BOLA3: variants seen among roughly 807,000 people sequenced by gnomAD.
BOLA3 encodes bolA family member 3.
Under a neutral mutation model 14.5 loss-of-function variants are expected in BOLA3, and 8 were observed. The observed-to-expected ratio is 0.55, with a 90% CI of 0.32 to 0.99. BOLA3 has a LOEUF of 0.99. BOLA3 is among the 50% of genes least tolerant of loss of function. BOLA3 has a pLI of 0.04. For missense variants in BOLA3, 115 were observed against 138.2 expected (o/e 0.83, Z 0.84); for synonymous variants, 42 against 45.7 (o/e 0.92, Z 0.33).
intron 3 of BOLA3, among the ~76,000 whole-genome samples, chr2:74,138,157 G>C (rs1305012174): frequency 6.6e-6 from 1 of 152,218 alleles, no homozygotes; most frequent in Non-Finnish European, 1.5e-5. Context: ...GAGATCACCT[G>C]AGTCACTCTA....
At position 74,145,054 on chromosome 2, in the gene BOLA3, C is replaced by T. The variant is rs141799434; in HGVS notation, c.169+135G>A. The stretch of plus-strand genomic sequence containing the variant: ...CCATGAGGTGGGGGCAGCCGAGCTC[C>T]ACCTGTCCAGCAGCAACACATCTTG... On this transcript the variant is annotated intron_variant, in intron 2 of 3. Coordinates refer to ENST00000327428, the MANE Select transcript of BOLA3 (RefSeq NM_212552.3). 266 of 698,390 alleles carry T rather than the reference C, an allele frequency of 3.8e-4. No homozygotes were observed. The African/African-American group carries it at 4.3e-3, about 11-fold the overall frequency. 43.3% of individuals were successfully genotyped at this position (698,390 alleles called of 1,614,324 possible).
chr2:74,138,832 C>G (rs185822456), intron 3 of BOLA3, among the ~76,000 whole-genome samples: 2 of 152,184 alleles, frequency 1.3e-5, no homozygotes, highest in East Asian at 1.9e-4. Flanking sequence ...CACCTGTGGT[C>G]AATGCCTCAT....
intron 2 of BOLA3, among the ~76,000 whole-genome samples, chr2:74,144,277 G>A (rs1692501722): frequency 6.6e-6 from 1 of 152,196 alleles, no homozygotes; most frequent in Non-Finnish European, 1.5e-5. Flanking sequence ...AAAGTGCTGG[G>A]ATTACAGGCA....
Position 74,145,217 on chromosome 2 carries a change from A to G in BOLA3, c.141T>C (p.Ala47=), listed in dbSNP as rs752166708. ...TQILKEKFPR[A]TAIKVTDISG... ...AAATGTCAGTGACTTTTATAGCTGT[A>G]GCTCGTGGAAACTTTTCTTTGAGAA... The change falls in exon 2 of 4, where the codon GCT becomes GCC. Residue 47 remains alanine (A), a synonymous_variant. Transcript: ENST00000327428. 15 of 1,604,384 alleles carry G rather than the reference A, an allele frequency of 9.3e-6. No homozygotes were observed. In the Admixed American group the frequency reaches 2.5e-4, roughly 27 times the overall value.
chr2:74,138,440 G>A (rs1692373927), intron 3 of BOLA3, among the ~76,000 whole-genome samples: 1 of 152,264 alleles, frequency 6.6e-6, no homozygotes, highest in Non-Finnish European at 1.5e-5. Context: ...TACTGCACTG[G>A]TGACTGGGGT....
At chr2:74,141,621 G>A (rs761998580) in intron 3 of BOLA3, among the ~76,000 whole-genome samples, 83 of 152,116 alleles carry the variant, frequency 5.5e-4, no homozygotes, top group Non-Finnish European at 9.4e-4. Context: ...AGAGGCCACC[G>A]AAGAGACGCT....
At chr2:74,141,371 G>A (rs912487282) in intron 3 of BOLA3, among the ~76,000 whole-genome samples, 2 of 151,474 alleles carry the variant, frequency 1.3e-5, no homozygotes, top group Non-Finnish European at 2.9e-5. Context: ...AGCCAAAAAA[G>A]GGGGCCGGGG....
chr2:74,140,187 G>A (rs567429142), intron 3 of BOLA3, among the ~76,000 whole-genome samples: 1 of 152,252 alleles, frequency 6.6e-6, no homozygotes, highest in Non-Finnish European at 1.5e-5. Context: ...GGGAGGCTGA[G>A]GCAGAAGAAT....
intron 3 of BOLA3, 143 bp from the exon 4 acceptor site, chr2:74,135,801 C>T: frequency 7.4e-6 from 5 of 680,204 alleles, no homozygotes; most frequent in South Asian, 1.8e-5. Flanking sequence ...TTTTGAAAAA[C>T]AATTTTTTTT....
intron 3 of BOLA3, among the ~76,000 whole-genome samples, chr2:74,142,042 A>G (rs190895076): frequency 3.3e-4 from 51 of 152,384 alleles, no homozygotes; most frequent in African/African-American, 1.1e-3. Context: ...TTATACGAGG[A>G]CATACAAAAT....
chr2:74,135,882 A>C (rs773296059), intron 3 of BOLA3, among the ~76,000 whole-genome samples: 1 of 151,896 alleles, frequency 6.6e-6, no homozygotes, highest in Non-Finnish European at 1.5e-5. Context: ...TCTCCCTCCT[A>C]TACCTGTCCA....
intron 1 of BOLA3, chr2:74,145,766 T>G: frequency 4.7e-6 from 1 of 214,678 alleles, no homozygotes; most frequent in East Asian, 1.1e-4. Context: ...AATTCCACAC[T>G]CCCTCGCCTT....
At chr2:74,137,050 A>G (rs1017834428) in intron 3 of BOLA3, among the ~76,000 whole-genome samples, 2 of 152,236 alleles carry the variant, frequency 1.3e-5, no homozygotes, top group African/African-American at 4.8e-5. Flanking sequence ...TCTGATAATC[A>G]TACTAGAGTG....
intron 2 of BOLA3, among the ~76,000 whole-genome samples, 175 bp downstream of exon 2, chr2:74,145,014 A>G (rs1388970867): frequency 2.6e-5 from 4 of 152,084 alleles, no homozygotes; most frequent in Admixed American, 2.0e-4. Context: ...ATATTTCTGA[A>G]TCCTGACTGC....
chr2:74,136,966 G>A (rs1692343010), intron 3 of BOLA3, among the ~76,000 whole-genome samples: 1 of 152,214 alleles, frequency 6.6e-6, no homozygotes, highest in African/African-American at 2.4e-5. Flanking sequence ...TACAGAATCA[G>A]AGTGGGGCTT....
Position 74,135,556 on chromosome 2 carries a change from G to A in BOLA3, c.*37C>T, listed in dbSNP as rs1572938671. On this transcript the variant is annotated 3_prime_UTR_variant, in exon 4 of 4. Coordinates refer to ENST00000327428, the MANE Select transcript of BOLA3 (RefSeq NM_212552.3). ...AATGATGTCAGTGAAGTTCATCCAAGGTCTTAAGCAGCAGCATCTATGCAG... is the reference window on the plus strand; with the variant it reads ...AATGATGTCAGTGAAGTTCATCCAAAGTCTTAAGCAGCAGCATCTATGCAG... 1 of 1,613,162 alleles carries A rather than the reference G, an allele frequency of 6.2e-7. No individual in the cohort carries two copies. Among genetic ancestry groups the A allele is most frequent in the Non-Finnish European group, 8.5e-7 (1 of 1,179,400 alleles).
chr2:74,140,002 G>A (rs958215989), intron 3 of BOLA3, among the ~76,000 whole-genome samples: 4 of 152,126 alleles, frequency 2.6e-5, no homozygotes, highest in Admixed American at 2.6e-4. Flanking sequence ...ATATTTTTAA[G>A]GTTGGGCATG....
At chr2:74,142,165 C>T in intron 3 of BOLA3, 107 bp downstream of exon 3, 1 of 819,800 alleles carries the variant, frequency 1.2e-6, no homozygotes. Context: ...GATTGCAGTA[C>T]TGCATTATTC....
intron 2 of BOLA3, among the ~76,000 whole-genome samples, chr2:74,144,126 C>T (rs565419448): frequency 6.2e-4 from 94 of 151,130 alleles, no homozygotes; most frequent in Non-Finnish European, 1.2e-3. Flanking sequence ...CTGCCTCAGA[C>T]TCTTGAGTAG....
Sources: allele counts gnomAD v4.1 joint callset (sites outside exome capture counted in the v4.1 genomes callset), GRCh38; gene constraint gnomAD v4.1.1; transcripts MANE v1.5; gene names NCBI Gene and HGNC (gene_info 2026-07-23, HGNC 2026-07-21).